The following DNAH8 variants were observed in gnomAD, a reference collection of about 807,000 sequenced individuals.
DNAH8 encodes the protein axonemal beta dynein heavy chain 8.
DNAH8 carries 382 observed loss-of-function variants against 562.1 expected under a neutral mutation model. That is an observed-to-expected ratio of 0.68 (90% confidence interval 0.63 to 0.74). DNAH8 has a LOEUF of 0.74. DNAH8 is among the 30% of genes least tolerant of loss of function. DNAH8 has a pLI of 0.00. For synonymous variants in DNAH8, 1,881 were observed against 1,919.4 expected (o/e 0.98, Z 0.52); for missense variants, 5,203 against 5,620.4 (o/e 0.93, Z 2.37).
chr6:38,834,322 T>G (rs1387054954), intron 31 of DNAH8, among the ~76,000 whole-genome samples: 1 of 152,222 alleles, frequency 6.6e-6, no homozygotes, highest in Non-Finnish European at 1.5e-5. Flanking sequence ...TAAATGATTG[T>G]GGTCATGGTT....
At chr6:38,860,828 A>G (rs538731571) in intron 43 of DNAH8, among the ~76,000 whole-genome samples, 199 bp downstream of exon 43, 1 of 152,358 alleles carries the variant, frequency 6.6e-6, no homozygotes, top group Non-Finnish European at 1.5e-5. Context: ...AAAAGATAAA[A>G]GAATAAAAGC....
chr6:38,850,256 A>G lies in DNAH8; in HGVS notation c.5205A>G (p.Ala1735=). 2.5e-6 allele frequency: 4 copies of G among 1,612,772 alleles called. No individual in the cohort carries two copies. In the East Asian group the frequency reaches 8.9e-5, roughly 36 times the overall value. The change falls in exon 38 of 93, where the codon GCA becomes GCG. Residue 1735 remains alanine, a synonymous_variant. Coordinates refer to ENST00000327475, the MANE Select transcript of DNAH8 (RefSeq NM_001206927.2). ...GGCTATGGATGCATTTTCAGGAAGCAAAACGTTTTCAGAATATTGACAAGT... is the reference window on the plus strand; with the variant it reads ...GGCTATGGATGCATTTTCAGGAAGCGAAACGTTTTCAGAATATTGACAAGT... ...GDIAKQLPQE[A]KRFQNIDKSW...
chr6:38,923,207 A>G (rs772095914), intron 72 of DNAH8, 22 bp downstream of exon 72: 3 of 1,610,768 alleles, frequency 1.9e-6, no homozygotes, highest in Middle Eastern at 3.3e-4. Flanking sequence ...GGTCTTCTTC[A>G]TAATCACTCT....
chr6:38,956,813 A>T (rs1268709848), intron 82 of DNAH8, among the ~76,000 whole-genome samples: 3 of 152,228 alleles, frequency 2.0e-5, no homozygotes, highest in Non-Finnish European at 4.4e-5. Context: ...AAAACATACT[A>T]CTAGAGAAAA....
rs370527737 is a variant in DNAH8, at chr6:38,738,890, T to C, written c.1116+918T>C. ...CACCGTGCCCAGCCAAGACTTCCTATTTTTTTTTGAAAAATCTTTGGTTAC... is the reference window on the plus strand; with the variant it reads ...CACCGTGCCCAGCCAAGACTTCCTACTTTTTTTTGAAAAATCTTTGGTTAC... On this transcript the variant is annotated intron_variant, in intron 7 of 92. Coordinates refer to ENST00000327475, the MANE Select transcript of DNAH8 (RefSeq NM_001206927.2). 2.6e-5 allele frequency among the ~76,000 whole-genome samples: 4 copies of C among 151,272 alleles called. No homozygotes were observed. The South Asian group carries it at 8.4e-4, about 32-fold the overall frequency.
chr6:38,831,718 C>T (rs1773851067), intron 30 of DNAH8, among the ~76,000 whole-genome samples: 1 of 152,116 alleles, frequency 6.6e-6, no homozygotes, highest in Admixed American at 6.5e-5. Context: ...CTCTCTGTAC[C>T]TCAGTTTTCT....
intron 26 of DNAH8, among the ~76,000 whole-genome samples, chr6:38,818,098 G>A (rs1289059158): frequency 6.6e-6 from 1 of 152,070 alleles, no homozygotes; most frequent in African/African-American, 2.4e-5. Context: ...TGAGATTATG[G>A]TGTTTGGGAT....
chr6:39,012,308 C>T lies in DNAH8; in HGVS notation c.13465C>T (p.Leu4489Phe). 1 of 1,613,270 alleles carries T rather than the reference C, an allele frequency of 6.2e-7. No homozygotes were observed. ...IDRMQRVISILRSSLSDLKLA... is the reference protein window; with the variant it reads ...IDRMQRVISIFRSSLSDLKLA... ...CAGAATGCAAAGAGTCATTTCAATA[C>T]TCCGCAGTAGCCTGAGTGATCTAAA... The change falls in exon 90 of 93, where the codon CTC becomes TTC. Residue 4489 changes from leucine to phenylalanine, a missense_variant. By Grantham distance (22) the Leu-to-Phe change is conservative (BLOSUM62 0). This residue lies in a region of DNAH8 where 1,399 missense variants were observed against 1,518.4 expected (regional missense o/e 0.92). Transcript: ENST00000327475.
chr6:38,778,603 A>G lies in DNAH8; in HGVS notation c.2039+139A>G, dbSNP rs145631497. On this transcript the variant is annotated intron_variant, in intron 14 of 92. Transcript: ENST00000327475. ...TACAAACATAAACTTTTCAATTACC[A>G]CTAAATAGACTGGTAAAGATTTGAA... 475 of 513,824 alleles carry G rather than the reference A, an allele frequency of 9.2e-4. 4 individuals are homozygous for G. In the East Asian group the frequency reaches 0.015, roughly 16 times the overall value. The allele number at this position is 513,824 out of a possible 1,614,324, so 31.8% of individuals were successfully genotyped here.
At chr6:38,729,705 G>T (rs1356998282) in intron 3 of DNAH8, among the ~76,000 whole-genome samples, 197 bp from the exon 4 acceptor site, 1 of 152,102 alleles carries the variant, frequency 6.6e-6, no homozygotes, top group African/African-American at 2.4e-5. Context: ...TATATATGTA[G>T]GTCATTAATG....
In DNAH8 at chr6:38,995,847, G is replaced by T. The variant is rs542571041; in HGVS notation, c.13214+5675G>T. 7.9e-5 allele frequency among the ~76,000 whole-genome samples: 12 copies of T among 152,306 alleles called. No homozygotes were observed. The South Asian group carries it at 1.5e-3, about 18-fold the overall frequency. On this transcript the variant is annotated intron_variant, in intron 88 of 92. Coordinates refer to ENST00000327475, the MANE Select transcript of DNAH8 (RefSeq NM_001206927.2). ...ACTCTCGTGCCTCTCCTAAAGGAAT[G>T]TACTAGCCTTCTTAATATAATCTAT... is the stretch of plus-strand genomic sequence containing the variant.
intron 9 of DNAH8, among the ~76,000 whole-genome samples, chr6:38,751,210 G>A (rs1292610519): frequency 6.6e-6 from 1 of 152,196 alleles, no homozygotes; most frequent in African/African-American, 2.4e-5. Context: ...GTTATTGGAA[G>A]GCCCCAGTCC....
chr6:38,802,808 A>G (rs1208677808), intron 21 of DNAH8, among the ~76,000 whole-genome samples: 1 of 152,246 alleles, frequency 6.6e-6, no homozygotes, highest in Non-Finnish European at 1.5e-5. Flanking sequence ...TAACTCTCCA[A>G]ACCAATACTC....
intron 26 of DNAH8, among the ~76,000 whole-genome samples, chr6:38,818,536 G>GAAAAAAAAAAAAAAAAAAA (rs1562891460): frequency 5.8e-5 from 1 of 17,214 alleles, no homozygotes; most frequent in African/African-American, 3.0e-4. Context: ...AAAAGCAAAA[G>GAAAAAAAAAAAAAAAAAAA]CAAAAAAAAA....
chr6:38,896,624 AG>A (rs1404603581), intron 60 of DNAH8, among the ~76,000 whole-genome samples: 1 of 151,616 alleles, frequency 6.6e-6, no homozygotes, highest in Non-Finnish European at 1.5e-5. Context: ...CAAAAAAGAG[AG>A]AGAGAGAGTT....
intron 18 of DNAH8, among the ~76,000 whole-genome samples, chr6:38,789,384 T>A (rs1769483519): frequency 6.6e-6 from 1 of 152,288 alleles, no homozygotes; most frequent in Middle Eastern, 3.4e-3. Flanking sequence ...ACATAAAAGC[T>A]TATTCTGTTT....
At chr6:38,925,904 C>G in intron 73 of DNAH8, 151 bp from the exon 74 acceptor site, 1 of 593,268 alleles carries the variant, frequency 1.7e-6, no homozygotes, top group Non-Finnish European at 2.7e-6. Flanking sequence ...TTCACATTTA[C>G]AAGTTTGCTT....
intron 92 of DNAH8, 73 bp from the exon 93 acceptor site, chr6:39,030,032 C>A: frequency 8.1e-7 from 1 of 1,229,044 alleles, no homozygotes; most frequent in Non-Finnish European, 1.2e-6. Context: ...TCCAAACTGA[C>A]AGCCTTTATG....
In DNAH8 at chr6:38,911,410, T is replaced by C. The variant is rs926462530; in HGVS notation, c.9741-58T>C. On this transcript the variant is annotated intron_variant, in intron 65 of 92. Transcript: ENST00000327475. The stretch of plus-strand genomic sequence containing the variant: ...CACTGATTTCACCTTGGGAAAGGTG[T>C]CGTTTTATGGGAGTACGCACAATGA... 7.3e-6 allele frequency: 9 copies of C among 1,228,882 alleles called. No homozygotes were observed. In the African/African-American group the frequency reaches 1.2e-4, roughly 16 times the overall value. The allele number at this position is 1,228,882 out of a possible 1,614,324, so 76.1% of individuals were successfully genotyped here. A position where few individuals can be genotyped will look rare whatever the true frequency, so the allele number is the denominator to read the frequency against.
Sources: allele counts gnomAD v4.1 joint callset (sites outside exome capture counted in the v4.1 genomes callset), GRCh38; gene constraint gnomAD v4.1.1; regional missense constraint gnomAD v4.1.1; transcripts MANE v1.5; gene names NCBI Gene and HGNC (gene_info 2026-07-23, HGNC 2026-07-21).